SNCAIP: variants seen among roughly 807,000 people sequenced by gnomAD.
SNCAIP encodes the protein synphilin-1.
SNCAIP carries 43 observed loss-of-function variants against 86.7 expected under a neutral mutation model. That is an observed-to-expected ratio of 0.50 (90% CI 0.39 to 0.64). The LOEUF is 0.64. SNCAIP is among the 30% of genes least tolerant of loss of function. The pLI, the probability that SNCAIP is intolerant of heterozygous loss-of-function variation, is 0.00. For missense variants in SNCAIP, 981 were observed against 1,103.1 expected, an observed-to-expected ratio of 0.89 and a Z score of 1.57; for synonymous variants, 417 against 427.2, an observed-to-expected ratio of 0.98 and a Z score of 0.29.
At chr5:122,433,591 G>C (rs1030053133) in intron 6 of SNCAIP, among the ~76,000 whole-genome samples, 4 of 152,114 alleles carry the variant, frequency 2.6e-5, no homozygotes, top group African/African-American at 7.2e-5. Flanking sequence ...TTATGAAATG[G>C]AGAAAGGAGC....
At chr5:122,422,832 G>A (rs2152925173) in intron 3 of SNCAIP, 36 bp from the exon 4 acceptor site, 1 of 1,582,518 alleles carries the variant, frequency 6.3e-7, no homozygotes, top group Non-Finnish European at 8.7e-7. Flanking sequence ...CAGCATTCCA[G>A]ATTAATAGCT....
chr5:122,436,952 A>G (rs988247466), intron 6 of SNCAIP: 1 of 152,204 alleles, frequency 6.6e-6, no homozygotes, highest in African/African-American at 2.4e-5. Context: ...TCAGTACATG[A>G]AGGTTGAATG....
Position 122,423,731 on chromosome 5 carries a change from T to C in SNCAIP, c.994T>C (p.Ser332Pro), listed in dbSNP as rs1776843834. ...ILNIVKEGQI[S>P]LLPHLAADNL... ...GAACATTGTTAAAGAAGGACAGATC[T>C]CTCTCCTGGTAAGTATAATCTAGTT... Residue 332 changes from serine (S) to proline (P), a missense_variant, in exon 4 of 11, where the codon TCT becomes CCT. Ser to Pro is a moderately conservative substitution (Grantham distance 74). Coordinates refer to ENST00000261368, the MANE Select transcript of SNCAIP (RefSeq NM_005460.4). 6.2e-7 allele frequency: 1 copy of C among 1,600,156 alleles called. No individual in the cohort carries two copies. Among genetic ancestry groups the C allele is most frequent in the South Asian group, 1.1e-5 (1 of 90,980 alleles).
chr5:122,462,040 T>A (rs1294959639), intron 10 of SNCAIP, among the ~76,000 whole-genome samples: 1 of 152,230 alleles, frequency 6.6e-6, no homozygotes, highest in Non-Finnish European at 1.5e-5. Context: ...TTTATCTTCC[T>A]TTTTACAATA....
intron 1 of SNCAIP, among the ~76,000 whole-genome samples, chr5:122,350,147 C>A (rs1759462916): frequency 6.6e-6 from 1 of 152,126 alleles, no homozygotes; most frequent in South Asian, 2.1e-4. Context: ...TTGGTCTTGT[C>A]CCATTTCTAC....
chr5:122,374,535 A>G (rs1367095578), intron 1 of SNCAIP, among the ~76,000 whole-genome samples: 1 of 152,174 alleles, frequency 6.6e-6, no homozygotes, highest in Non-Finnish European at 1.5e-5. Context: ...ATTGGAGAGT[A>G]TAGCTAGAGT....
chr5:122,429,528 T>A (rs1377281553), intron 5 of SNCAIP, among the ~76,000 whole-genome samples: 1 of 152,062 alleles, frequency 6.6e-6, no homozygotes, highest in African/African-American at 2.4e-5. Flanking sequence ...CATTTCTGTG[T>A]TCTGTGTAAA....
At chr5:122,411,546 C>T (rs1188763468) in intron 3 of SNCAIP, among the ~76,000 whole-genome samples, 1 of 152,022 alleles carries the variant, frequency 6.6e-6, no homozygotes, top group East Asian at 1.9e-4. Context: ...CACATATCTC[C>T]TTTGCTCTGA....
chr5:122,426,459 T>A (rs1777388665), intron 5 of SNCAIP, among the ~76,000 whole-genome samples: 1 of 152,232 alleles, frequency 6.6e-6, no homozygotes, highest in Admixed American at 6.5e-5. Context: ...TCTACCTTAA[T>A]ATATTTTTTA....
intron 6 of SNCAIP, among the ~76,000 whole-genome samples, chr5:122,434,075 C>CA (rs1179962146): frequency 6.6e-6 from 1 of 152,112 alleles, no homozygotes; most frequent in Non-Finnish European, 1.5e-5. Context: ...TCTCTACTGG[C>CA]AAAGAAGAGA....
intron 1 of SNCAIP, among the ~76,000 whole-genome samples, chr5:122,338,499 C>T (rs931889374): frequency 1.3e-5 from 2 of 152,076 alleles, no homozygotes; most frequent in Non-Finnish European, 2.9e-5. Flanking sequence ...TAATTTATTA[C>T]TTTTTTATTG....
chr5:122,378,283 A>G (rs1765815742), intron 1 of SNCAIP, among the ~76,000 whole-genome samples: 1 of 142,986 alleles, frequency 7.0e-6, no homozygotes, highest in African/African-American at 2.6e-5. Context: ...CATTTCTCTG[A>G]TGGCCAGTGA....
At chr5:122,440,318 C>T (rs986355933) in intron 6 of SNCAIP, 9 of 381,356 alleles carry the variant, frequency 2.4e-5, no homozygotes, top group African/African-American at 1.9e-4. Flanking sequence ...TTGGATCTGT[C>T]TAGCTGTGTG....
rs763336250 is a variant in SNCAIP, at chr5:122,451,168, C to T, written c.2321C>T (p.Pro774Leu). The T allele has an allele frequency of 1.9e-6, 3 of 1,614,134 alleles. No individual in the cohort carries two copies. The highest frequency in any genetic ancestry group is 3.3e-5 in the Admixed American group (2 of 60,018). The change falls in exon 10 of 11, where the codon CCC becomes CTC. Residue 774 changes from proline to leucine, a missense_variant. Transcript: ENST00000261368. ...TCAGGGAGTATTCCTCCAAACCAGC[C>T]CTCTGGTGACCCTCAGCAGCCCAGC... ...PGSGSIPPNQ[P>L]SGDPQQPSPD...
chr5:122,393,608 G>A lies in SNCAIP; in HGVS notation c.57+2417G>A, dbSNP rs925412653. On this transcript the variant is annotated intron_variant, in intron 2 of 10. Transcript: ENST00000261368. The stretch of plus-strand genomic sequence containing the variant: ...AGGAGACATATTTTGTTGTCATACC[G>A]GGGAGTTGCTACTAGCATCTAGTGG... Among the ~76,000 whole-genome samples the A allele has an allele frequency of 1.7e-4, 26 of 152,022 alleles. 1 individual carries two copies. The highest frequency in any genetic ancestry group is 1.6e-3 in the Admixed American group (24 of 15,250).
At chr5:122,366,000 G>T (rs1459126353) in intron 1 of SNCAIP, among the ~76,000 whole-genome samples, 1 of 152,128 alleles carries the variant, frequency 6.6e-6, no homozygotes, top group Non-Finnish European at 1.5e-5. Flanking sequence ...TAACCCCTAA[G>T]CTGAGTTTTT....
chr5:122,449,991 C>A (rs1783371191), intron 9 of SNCAIP, 54 bp downstream of exon 9: 2 of 1,208,130 alleles, frequency 1.7e-6, no homozygotes, highest in East Asian at 2.3e-5. Context: ...ATTGTTAAGC[C>A]TTCTTCTGAA....
intron 1 of SNCAIP, chr5:122,389,090 T>C (rs2152835893): frequency 6.6e-6 from 1 of 152,372 alleles, no homozygotes; most frequent in East Asian, 1.9e-4. Flanking sequence ...TTATATTCTA[T>C]TGGAATGGCT....
rs79800384 is a variant in SNCAIP at position 122,444,911 on chromosome 5, T to C, written c.1592+179T>C. On this transcript the variant is annotated intron_variant, in intron 8 of 10. Transcript: ENST00000261368. Reference sequence around the variant, plus strand: ...GCCAGCGTTCGTGCTGAAGATGCCATCTCTGCAGAGGCAAAAGGATGTCTA... The same window carrying C: ...GCCAGCGTTCGTGCTGAAGATGCCACCTCTGCAGAGGCAAAAGGATGTCTA... 1,922 of 668,746 alleles carry C rather than the reference T, an allele frequency of 2.9e-3. 48 individuals carry two copies. The East Asian group carries it at 0.043, about 15-fold the overall frequency. The allele number at this position is 668,746 out of a possible 1,614,324, so 41.4% of individuals were successfully genotyped here. A position where few individuals can be genotyped will look rare whatever the true frequency, so the allele number is the denominator to read the frequency against.
Sources: gnomAD v4.1 joint callset for allele counts (sites outside exome capture counted in the v4.1 genomes callset) on GRCh38, gnomAD v4.1.1 for gene constraint, MANE v1.5 for transcripts, NCBI Gene and HGNC (gene_info 2026-07-23, HGNC 2026-07-21) for gene names.